Variants in TCEANC2 observed in about 807,000 individuals in gnomAD.
TCEANC2 encodes transcription elongation factor A N-terminal and central domain-containing protein 2.
In TCEANC2, 20 loss-of-function variants were observed where a neutral mutation model predicts 22.8. The ratio of observed to expected loss-of-function variants is 0.88; its 90% CI spans 0.62 to 1.28. TCEANC2 has a LOEUF of 1.28. TCEANC2 is among the 50% of genes most tolerant of loss of function. TCEANC2 has a pLI of 0.00. For synonymous variants in TCEANC2, 84 were observed against 95.5 expected, an observed-to-expected ratio of 0.88 and a Z score of 0.70; for missense variants, 251 against 249.7, an observed-to-expected ratio of 1.01 and a Z score of -0.03.
intron 3 of TCEANC2, among the ~76,000 whole-genome samples, chr1:54,081,573 C>G (rs904544196): frequency 1.3e-5 from 2 of 152,142 alleles, no homozygotes; most frequent in Non-Finnish European, 2.9e-5. Flanking sequence ...TCATGAAATT[C>G]CCTTTGTGAT....
At chr1:54,061,415 T>G (rs1178351929) in intron 2 of TCEANC2, among the ~76,000 whole-genome samples, 3 of 152,144 alleles carry the variant, frequency 2.0e-5, no homozygotes, top group African/African-American at 7.2e-5. Context: ...TAGTTTCCTC[T>G]TTTCATGTAT....
At chr1:54,109,470 G>C (rs1658808991), downstream of TCEANC2, among the ~76,000 whole-genome samples, 1 of 152,190 alleles carries the variant, frequency 6.6e-6, no homozygotes, top group African/African-American at 2.4e-5. Context: ...AGGTTTTCAG[G>C]TGAGGAAACT....
In TCEANC2 at chr1:54,096,194, T is replaced by C; in HGVS notation, c.439-91T>C. 1 of 1,422,924 alleles carries C rather than the reference T, an allele frequency of 7.0e-7. No homozygotes were observed. Among genetic ancestry groups the C allele is most frequent in the Non-Finnish European group, 9.3e-7 (1 of 1,074,960 alleles). The allele number at this position is 1,422,924 out of a possible 1,614,324, so 88.1% of individuals were successfully genotyped here. A position where few individuals can be genotyped will look rare whatever the true frequency, so the allele number is the denominator to read the frequency against. ...ATGTCCTTGAATTTCAGTTGATTAATGGAGGCCTCTGAGCAGAGTGCTCCA... is the reference window on the plus strand; with the variant it reads ...ATGTCCTTGAATTTCAGTTGATTAACGGAGGCCTCTGAGCAGAGTGCTCCA... On this transcript the variant is annotated intron_variant, in intron 4 of 4. Transcript: ENST00000234827. The surrounding 1 kb of genome is among the most constrained non-coding windows in gnomAD (Gnocchi z 4.9).
rs148887147 is a variant in TCEANC2, at chr1:54,096,550, T to C, written c.*77T>C. ...TCTGCCGTTCAAAGACGCTTTTGAG[T>C]TTGGGTGATGGCTGATGCTGGCTGT... On this transcript the variant is annotated 3_prime_UTR_variant, in exon 5 of 5. Coordinates refer to ENST00000234827, the MANE Select transcript of TCEANC2 (RefSeq NM_153035.3). This position sits in a 1 kb window ranked among gnomAD's most constrained non-coding sequence, Gnocchi z 4.9. 3 of 1,515,306 alleles carry C rather than the reference T, an allele frequency of 2.0e-6. No homozygotes were observed. The African/African-American group carries it at 4.1e-5, about 21-fold the overall frequency. 93.9% of individuals were successfully genotyped at this position (1,515,306 alleles called of 1,614,324 possible).
At chr1:54,084,743 G>A (rs1411178114) in intron 3 of TCEANC2, among the ~76,000 whole-genome samples, 1 of 151,910 alleles carries the variant, frequency 6.6e-6, no homozygotes, top group Admixed American at 6.6e-5. Context: ...CTGCACTCCG[G>A]CCTGGGTGAC....
At chr1:54,077,593 C>A (rs1050775168) in intron 3 of TCEANC2, among the ~76,000 whole-genome samples, 4 of 152,048 alleles carry the variant, frequency 2.6e-5, no homozygotes, top group Admixed American at 2.6e-4. Context: ...CCTTCATAGC[C>A]CTTATCTCAG....
chr1:54,096,231 T>G lies in TCEANC2; in HGVS notation c.439-54T>G. 1 of 1,542,806 alleles carries G rather than the reference T, an allele frequency of 6.5e-7. No homozygotes were observed. The highest frequency in any genetic ancestry group is 1.2e-5 in the South Asian group (1 of 81,866). On this transcript the variant is annotated intron_variant, in intron 4 of 4. Coordinates refer to ENST00000234827, the MANE Select transcript of TCEANC2 (RefSeq NM_153035.3). This position sits in a 1 kb window ranked among gnomAD's most constrained non-coding sequence, Gnocchi z 4.9. ...AGCAGAGTGCTCCAGCCTCTCTTGC[T>G]TTTAATCCTTACGCAATGTAAGGCT... is the stretch of plus-strand genomic sequence containing the variant.
rs978239040 is a variant in TCEANC2 at position 54,103,568 on chromosome 1, G to C, written c.*7095G>C. 2 of 152,184 alleles carry C rather than the reference G, an allele frequency of 1.3e-5. No individual in the cohort carries two copies. The highest frequency in any genetic ancestry group is 2.4e-5 in the African/African-American group (1 of 41,432). 9.4% of individuals were successfully genotyped at this position (152,184 alleles called of 1,614,324 possible). Reference sequence around the variant, plus strand: ...GGGATTATAATTCGAGTTAAGATTTGTGTGGAGACACAGAGCCAAACCATA... The same window carrying C: ...GGGATTATAATTCGAGTTAAGATTTCTGTGGAGACACAGAGCCAAACCATA... On this transcript the variant is annotated 3_prime_UTR_variant, in exon 5 of 5. Coordinates refer to ENST00000234827, the MANE Select transcript of TCEANC2 (RefSeq NM_153035.3).
downstream of TCEANC2, among the ~76,000 whole-genome samples, chr1:54,107,356 T>A (rs1252211551): frequency 6.6e-6 from 1 of 152,200 alleles, no homozygotes; most frequent in East Asian, 1.9e-4. Flanking sequence ...GCACATGGCT[T>A]CCACAGGACT....
rs1658670806 is a variant in TCEANC2 at position 54,101,954 on chromosome 1, C to T, written c.*5481C>T. On this transcript the variant is annotated 3_prime_UTR_variant, in exon 5 of 5. Transcript: ENST00000234827. Reference sequence around the variant, plus strand: ...CTTGCCCAGACCATTTTTGAAAACACAAATGGGCAGGGTGCAGTGAGATTT... The same window carrying T: ...CTTGCCCAGACCATTTTTGAAAACATAAATGGGCAGGGTGCAGTGAGATTT... 6.6e-6 allele frequency: 1 copy of T among 152,196 alleles called. No individual in the cohort carries two copies. The highest frequency in any genetic ancestry group is 1.5e-5 in the Non-Finnish European group (1 of 68,028). The allele number at this position is 152,196 out of a possible 1,614,324, so 9.4% of individuals were successfully genotyped here.
chr1:54,081,405 T>C (rs1002865103), intron 3 of TCEANC2, among the ~76,000 whole-genome samples: 1 of 152,060 alleles, frequency 6.6e-6, no homozygotes, highest in Non-Finnish European at 1.5e-5. Flanking sequence ...ATTCTTTTAT[T>C]TATTTATTTA....
chr1:54,083,333 A>T (rs1658280747), intron 3 of TCEANC2, among the ~76,000 whole-genome samples: 1 of 152,204 alleles, frequency 6.6e-6, no homozygotes, highest in African/African-American at 2.4e-5. Context: ...GAGAAAGAAA[A>T]GAGGCCAAGG....
chr1:54,069,058 C>T (rs756611409), intron 3 of TCEANC2, among the ~76,000 whole-genome samples, 161 bp downstream of exon 3: 2 of 151,928 alleles, frequency 1.3e-5, no homozygotes, highest in Non-Finnish European at 2.9e-5. Flanking sequence ...GGTTGCAGGC[C>T]AATACCTTGG....
chr1:54,068,415 A>G (rs1657996121), intron 2 of TCEANC2, among the ~76,000 whole-genome samples: 1 of 152,194 alleles, frequency 6.6e-6, no homozygotes, highest in Non-Finnish European at 1.5e-5. Context: ...TTGCCTATGA[A>G]TTAAGACACT....
Position 54,088,967 on chromosome 1 carries a change from A to G in TCEANC2, c.438+177A>G, listed in dbSNP as rs186139794. On this transcript the variant is annotated intron_variant, in intron 4 of 4. Transcript: ENST00000234827. Reference sequence around the variant, plus strand: ...TGCTGTGGCTTTATTTTAACCAGTTATTCTTTAAGGATTCTGGATTTATAA... The same window carrying G: ...TGCTGTGGCTTTATTTTAACCAGTTGTTCTTTAAGGATTCTGGATTTATAA... Among the ~76,000 whole-genome samples the G allele has an allele frequency of 1.1e-4, 17 of 152,290 alleles. No individual in the cohort carries two copies. The East Asian group carries it at 3.3e-3, about 29-fold the overall frequency.
At chr1:54,071,935 C>T (rs942173507) in intron 3 of TCEANC2, among the ~76,000 whole-genome samples, 3 of 152,020 alleles carry the variant, frequency 2.0e-5, no homozygotes, top group African/African-American at 4.8e-5. Context: ...CCTCAGCCCC[C>T]CAAGTAGGTA....
intron 4 of TCEANC2, among the ~76,000 whole-genome samples, chr1:54,092,995 A>G (rs1658476640): frequency 6.6e-6 from 1 of 152,214 alleles, no homozygotes; most frequent in African/African-American, 2.4e-5. Context: ...CAGAAAGGAT[A>G]TTGGAGGAGT....
In TCEANC2 at chr1:54,100,567, T is replaced by C. The variant is rs983088864; in HGVS notation, c.*4094T>C. 1.3e-5 allele frequency: 2 copies of C among 152,264 alleles called. No individual in the cohort carries two copies. Among genetic ancestry groups the C allele is most frequent in the East Asian group, 1.9e-4 (1 of 5,202 alleles). The allele number at this position is 152,264 out of a possible 1,614,324, so 9.4% of individuals were successfully genotyped here. A position where few individuals can be genotyped will look rare whatever the true frequency, so the allele number is the denominator to read the frequency against. ...AGAATCTTCACAGAGGAGTTCATGT[T>C]TGAACCAAAGCCAGAAGGATAGGTA... is the stretch of plus-strand genomic sequence containing the variant. On this transcript the variant is annotated 3_prime_UTR_variant, in exon 5 of 5. Coordinates refer to ENST00000234827, the MANE Select transcript of TCEANC2 (RefSeq NM_153035.3).
intron 3 of TCEANC2, among the ~76,000 whole-genome samples, chr1:54,076,039 A>AAG (rs1553169660): frequency 1.1e-4 from 17 of 151,908 alleles, no homozygotes; most frequent in African/African-American, 3.6e-4. Flanking sequence ...AAAAAAAAAA[A>AAG]AAGAAGAAGA....
Sources: gnomAD v4.1 joint callset for allele counts (sites outside exome capture counted in the v4.1 genomes callset) on GRCh38, gnomAD v4.1.1 for gene constraint, Gnocchi (gnomAD v3.1) non-coding constraint, MANE v1.5 for transcripts, NCBI Gene and HGNC (gene_info 2026-07-23, HGNC 2026-07-21) for gene names.